Variants in VCP observed in about 807,000 individuals in gnomAD.
VCP encodes the protein transitional endoplasmic reticulum ATPase.
A neutral mutation model predicts 85.7 loss-of-function variants in VCP; 6 were observed. That is an observed-to-expected ratio of 0.07 (90% confidence interval 0.04 to 0.14). The LOEUF (loss-of-function observed/expected upper bound fraction) is 0.14, where lower values mean the gene tolerates loss of function less well. Among genes scored for constraint, VCP ranks in the 10% least tolerant of loss-of-function variants. VCP has a pLI of 1.00. For missense variants in VCP, 353 were observed against 1,043.4 expected (o/e 0.34, Z 9.12); for synonymous variants, 384 against 367.1 (o/e 1.05, Z -0.53).
chr9:35,059,346 T>C lies in VCP; in HGVS notation c.2005-127A>G. On this transcript the variant is annotated intron_variant, in intron 14 of 16. Transcript: ENST00000358901. The surrounding 1 kb of genome is among the most constrained non-coding windows in gnomAD (Gnocchi z 4.9). The stretch of plus-strand genomic sequence containing the variant: ...TTGGCCACCCCATTTTATTCCTGAT[T>C]CTAGATTATCTTGATATCCTCAAAA... The C allele has an allele frequency of 6.5e-7, 1 of 1,531,794 alleles. No homozygotes were observed. The highest frequency in any genetic ancestry group is 8.9e-7 in the Non-Finnish European group (1 of 1,128,570). 94.9% of individuals were successfully genotyped at this position (1,531,794 alleles called of 1,614,324 possible).
At chr9:35,071,736 T>C in intron 1 of VCP, 1 of 988,282 alleles carries the variant, frequency 1.0e-6, no homozygotes, top group Non-Finnish European at 1.2e-6. Flanking sequence ...ACGACTCAGG[T>C]CACACACAGA....
At chr9:35,057,892 G>C (rs1828642334) in intron 15 of VCP, 1 of 362,106 alleles carries the variant, frequency 2.8e-6, no homozygotes, top group East Asian at 7.0e-5. Context: ...TATATAGAAA[G>C]AGTGAATTTT....
chr9:35,062,449 T>G, intron 7 of VCP, 99 bp from the exon 8 acceptor site: 3 of 1,584,172 alleles, frequency 1.9e-6, no homozygotes, highest in Non-Finnish European at 2.6e-6. Context: ...AGACAGGTCC[T>G]GGGTGAGAAG....
rs1828612038 is a variant in VCP, at chr9:35,056,661, T to G, written c.*456A>C. ...TTTCCAACATTAACTCAAAAGCATG[T>G]AAAATAAATCAACCTACTCTCTATA... On this transcript the variant is annotated 3_prime_UTR_variant, in exon 17 of 17. Transcript: ENST00000358901. The G allele has an allele frequency of 5.1e-6, 1 of 194,526 alleles. No homozygotes were observed. Among genetic ancestry groups the G allele is most frequent in the Non-Finnish European group, 1.1e-5 (1 of 92,098 alleles). 12.0% of individuals were successfully genotyped at this position (194,526 alleles called of 1,614,324 possible).
rs765865935 is a variant in VCP, at chr9:35,063,030, C to T, written c.759G>A (p.Leu253=). 4 of 1,614,052 alleles carry T rather than the reference C, an allele frequency of 2.5e-6. No individual in the cohort carries two copies. The African/African-American group carries it at 5.3e-5, about 22-fold the overall frequency. Residue 253 remains leucine, a synonymous_variant, in exon 7 of 17, where the codon CTG becomes CTA. Transcript: ENST00000358901. ...LYGPPGTGKT[L]IARAVANETG... ...TCTCATTTGCTACAGCTCGAGCAATCAGGGTCTTTCCTGTTCCAGGAGGTC... is the reference window on the plus strand; with the variant it reads ...TCTCATTTGCTACAGCTCGAGCAATTAGGGTCTTTCCTGTTCCAGGAGGTC...
At chr9:35,057,750 T>C (rs112720765) in intron 15 of VCP, 9,464 of 625,104 alleles carry the variant, frequency 0.015, 125 homozygotes, top group Middle Eastern at 0.039. Flanking sequence ...ATCACATCAG[T>C]GATGGGGCTT....
chr9:35,058,445 A>C (rs1363148903), intron 15 of VCP, among the ~76,000 whole-genome samples: 1 of 152,180 alleles, frequency 6.6e-6, no homozygotes, highest in Non-Finnish European at 1.5e-5. Context: ...TTCCCCAACC[A>C]TCAGGGATAA....
In VCP at chr9:35,061,191, G is replaced by T; in HGVS notation, c.1195-12C>A. On this transcript the variant is annotated splice_polypyrimidine_tract_variant and intron_variant, in intron 10 of 16. Coordinates refer to ENST00000358901, the MANE Select transcript of VCP (RefSeq NM_007126.5). ...GTCTCATTGGCTACCTGCAGAGAAA[G>T]ATCTACTTACTATGCTGCCTCAAAG... The T allele has an allele frequency of 6.2e-7, 1 of 1,612,644 alleles. No individual in the cohort carries two copies. Among genetic ancestry groups the T allele is most frequent in the Non-Finnish European group, 8.5e-7 (1 of 1,180,042 alleles).
intron 1 of VCP, among the ~76,000 whole-genome samples, chr9:35,070,333 T>G (rs1349464213): frequency 6.6e-6 from 1 of 152,162 alleles, no homozygotes; most frequent in Non-Finnish European, 1.5e-5. Flanking sequence ...GCTCTCCCAC[T>G]CCTGTCCCAT....
At position 35,072,476 on chromosome 9, in the gene VCP, C is replaced by T. The variant is rs1445854160; in HGVS notation, c.-123G>A. On this transcript the variant is annotated 5_prime_UTR_variant, in exon 1 of 17. Transcript: ENST00000358901. Reference sequence around the variant, plus strand: ...GCGGTGGGCGAGCAGCGGCGACAAACCCGCAAGCGGCTTCCCTCTCGCTTC... The same window carrying T: ...GCGGTGGGCGAGCAGCGGCGACAAATCCGCAAGCGGCTTCCCTCTCGCTTC... 2 of 1,263,936 alleles carry T rather than the reference C, an allele frequency of 1.6e-6. No homozygotes were observed. Among genetic ancestry groups the T allele is most frequent in the East Asian group, 3.1e-5 (1 of 31,854 alleles). 78.3% of individuals were successfully genotyped at this position (1,263,936 alleles called of 1,614,324 possible). A position where few individuals can be genotyped will look rare whatever the true frequency, so the allele number is the denominator to read the frequency against.
At position 35,059,352 on chromosome 9, in the gene VCP, T is replaced by C. The variant is rs1040219285; in HGVS notation, c.2005-133A>G. On this transcript the variant is annotated intron_variant, in intron 14 of 16. Coordinates refer to ENST00000358901, the MANE Select transcript of VCP (RefSeq NM_007126.5). This position sits in a 1 kb window ranked among gnomAD's most constrained non-coding sequence, Gnocchi z 4.9. ...ACCCCATTTTATTCCTGATTCTAGA[T>C]TATCTTGATATCCTCAAAAATTCTA... 2.0e-6 allele frequency: 3 copies of C among 1,527,674 alleles called. No individual in the cohort carries two copies. The African/African-American group carries it at 4.1e-5, about 21-fold the overall frequency. The allele number at this position is 1,527,674 out of a possible 1,614,324, so 94.6% of individuals were successfully genotyped here.
chr9:35,060,520 A>C lies in VCP; in HGVS notation c.1488T>G (p.Pro496=). 6.2e-7 allele frequency: 1 copy of C among 1,614,088 alleles called. No individual in the cohort carries two copies. The highest frequency in any genetic ancestry group is 8.5e-7 in the Non-Finnish European group (1 of 1,180,032). Residue 496 remains proline, a synonymous_variant, in exon 13 of 17, where the codon CCT becomes CCG. Transcript: ENST00000358901. ...TCAGGAATTTGTCTGGGTGCTCCAC[A>C]GGATACTAGGAGGAAAAGGAAAGAG... The part of the protein sequence containing the change: ...KRELQELVQY[P]VEHPDKFLKF...
chr9:35,069,179 G>T (rs949360506), intron 1 of VCP, among the ~76,000 whole-genome samples: 2 of 152,106 alleles, frequency 1.3e-5, no homozygotes, highest in Non-Finnish European at 2.9e-5. Context: ...ACATCAAACC[G>T]CCAGAAAGAG....
At chr9:35,071,875 CAAAG>C in intron 1 of VCP, 1 of 995,224 alleles carries the variant, frequency 1.0e-6, no homozygotes, top group Admixed American at 6.1e-5. Flanking sequence ...TCACATGGCG[CAAAG>C]TCCACGCCCA....
At chr9:35,061,536 G>A (rs897654821) in intron 10 of VCP, 41 bp downstream of exon 10, 27 of 1,578,794 alleles carry the variant, frequency 1.7e-5, no homozygotes, top group Non-Finnish European at 2.3e-5. Flanking sequence ...CAACTGCCTA[G>A]AGACACTGTA....
chr9:35,060,929 A>C lies in VCP; in HGVS notation c.1360-6T>G. The C allele has an allele frequency of 6.2e-7, 1 of 1,614,164 alleles. No homozygotes were observed. The highest frequency in any genetic ancestry group is 1.1e-5 in the South Asian group (1 of 91,082). ...TTACTCTGGCTCAAGGCCCACTAGA[A>C]AAGGAGGGAAAACTGGGGATGAGAC... On this transcript the variant is annotated splice_region_variant and splice_polypyrimidine_tract_variant and intron_variant, in intron 11 of 16. Transcript: ENST00000358901.
At position 35,065,247 on chromosome 9, in the gene VCP, T is replaced by G; in HGVS notation, c.576+4A>C. 1 of 1,614,098 alleles carries G rather than the reference T, an allele frequency of 6.2e-7. No individual in the cohort carries two copies. The highest frequency in any genetic ancestry group is 8.5e-7 in the Non-Finnish European group (1 of 1,180,006). On this transcript the variant is annotated splice_donor_region_variant and intron_variant, in intron 5 of 16. Coordinates refer to ENST00000358901, the MANE Select transcript of VCP (RefSeq NM_007126.5). ...CGGATACTGGAATCAGGGAGAAAACTCACCTCTCGTTTGATAGGCTCCCCT... is the reference window on the plus strand; with the variant it reads ...CGGATACTGGAATCAGGGAGAAAACGCACCTCTCGTTTGATAGGCTCCCCT...
Position 35,059,911 on chromosome 9 carries a change from T to C in VCP, c.1696-110A>G. ...ACTTTGGGAGGCCAAGGTGGGAGGA[T>C]CACTTGAGGCCAGAAATCCGAAACC... is the stretch of plus-strand genomic sequence containing the variant. On this transcript the variant is annotated intron_variant, in intron 13 of 16. Coordinates refer to ENST00000358901, the MANE Select transcript of VCP (RefSeq NM_007126.5). This position sits in a 1 kb window ranked among gnomAD's most constrained non-coding sequence, Gnocchi z 4.9. 1 of 1,409,734 alleles carries C rather than the reference T, an allele frequency of 7.1e-7. No homozygotes were observed. The highest frequency in any genetic ancestry group is 1.2e-5 in the South Asian group (1 of 84,438). 87.3% of individuals were successfully genotyped at this position (1,409,734 alleles called of 1,614,324 possible).
chr9:35,071,474 G>T (rs1047575250), intron 1 of VCP, among the ~76,000 whole-genome samples: 3 of 152,032 alleles, frequency 2.0e-5, no homozygotes, highest in African/African-American at 7.2e-5. Context: ...GCGCACGTTT[G>T]TGTTTTTGAA....
Sources: gnomAD v4.1 joint callset for allele counts (sites outside exome capture counted in the v4.1 genomes callset) on GRCh38, gnomAD v4.1.1 for gene constraint, Gnocchi (gnomAD v3.1) non-coding constraint, MANE v1.5 for transcripts, NCBI Gene and HGNC (gene_info 2026-07-23, HGNC 2026-07-21) for gene names.